Variants in ATG7 observed in about 807,000 individuals in gnomAD.
The protein encoded by ATG7 is ubiquitin-like modifier-activating enzyme ATG7.
ATG7 carries 70 observed loss-of-function variants against 82.4 expected under a neutral mutation model. The ratio of observed to expected loss-of-function variants is 0.85; its 90% CI spans 0.70 to 1.04. The LOEUF is 1.04. Ranked by LOEUF, ATG7 falls within the 50% of genes least tolerant of loss-of-function variation. The pLI, the probability that ATG7 is intolerant of heterozygous loss-of-function variation, is 0.00. For missense variants in ATG7, 792 were observed against 864.3 expected (o/e 0.92, Z 1.05); for synonymous variants, 287 against 313.0 (o/e 0.92, Z 0.88).
chr3:11,559,339 T>C (rs1392652185), downstream of ATG7: 2 of 1,543,472 alleles, frequency 1.3e-6, no homozygotes, highest in South Asian at 1.2e-5. Flanking sequence ...CACCGCTCGG[T>C]GGCCTCCGGT....
At chr3:11,572,808 C>T in the ATG7 span, among the ~76,000 whole-genome samples, 9 of 152,054 alleles carry the variant, frequency 5.9e-5, no homozygotes, top group Non-Finnish European at 1.2e-4. Flanking sequence ...ACGAATACAC[C>T]ACTGCATATG....
intron 19 of ATG7, among the ~76,000 whole-genome samples, chr3:11,389,232 C>CAAAAAAA (rs752930553): frequency 3.5e-5 from 2 of 57,260 alleles, no homozygotes; most frequent in African/African-American, 7.9e-5. Flanking sequence ...GACCCTGTCT[C>CAAAAAAA]AAAAAAAAAA....
At chr3:11,327,310 G>A (rs1462292302) in intron 9 of ATG7, among the ~76,000 whole-genome samples, 1 of 152,098 alleles carries the variant, frequency 6.6e-6, no homozygotes, top group Non-Finnish European at 1.5e-5. Flanking sequence ...CTACAGTCAG[G>A]AATTTCTTAC....
intron 19 of ATG7, among the ~76,000 whole-genome samples, chr3:11,406,118 T>G (rs1295306688): frequency 2.0e-5 from 3 of 151,938 alleles, no homozygotes; most frequent in African/African-American, 7.3e-5. Context: ...GTCTCCCAAG[T>G]GGCTGGGACT....
At chr3:11,383,351 T>C (rs1044083128) in intron 19 of ATG7, among the ~76,000 whole-genome samples, 1 of 152,250 alleles carries the variant, frequency 6.6e-6, no homozygotes, top group Non-Finnish European at 1.5e-5. Context: ...TGTTTCCCTA[T>C]GATTCGATTC....
intron 19 of ATG7, among the ~76,000 whole-genome samples, chr3:11,395,938 T>C (rs575341202): frequency 6.6e-3 from 208 of 31,428 alleles, no homozygotes; most frequent in Admixed American, 0.013. Flanking sequence ...AGACTCTGTC[T>C]CAAAAAAAAA....
intron 20 of ATG7, among the ~76,000 whole-genome samples, chr3:11,451,633 T>A (rs2085141435): frequency 6.6e-6 from 1 of 151,606 alleles, no homozygotes; most frequent in Non-Finnish European, 1.5e-5. Flanking sequence ...GTTGTGTCCA[T>A]GAGAGAACTC....
intron 13 of ATG7, among the ~76,000 whole-genome samples, chr3:11,342,521 T>A (rs1953817258): frequency 5.9e-5 from 9 of 152,194 alleles, no homozygotes; most frequent in Admixed American, 5.9e-4. Context: ...CTTTGTAGAT[T>A]AGTATGCAGC....
chr3:11,513,200 C>T (rs1001256239), intron 20 of ATG7, among the ~76,000 whole-genome samples: 12 of 152,260 alleles, frequency 7.9e-5, no homozygotes, highest in Admixed American at 6.5e-4. Flanking sequence ...GATCCCGCAC[C>T]GGGGCTGCAG....
chr3:11,510,351 T>C (rs770976621), intron 20 of ATG7: 1 of 448,492 alleles, frequency 2.2e-6, no homozygotes, highest in South Asian at 1.6e-5. Context: ...TACCTCTTAT[T>C]TGTCTTTGTA....
At chr3:11,440,066 ATC>A (rs1559627700) in intron 20 of ATG7, among the ~76,000 whole-genome samples, 2 of 152,170 alleles carry the variant, frequency 1.3e-5, no homozygotes, top group African/African-American at 4.8e-5. Flanking sequence ...TATAGAACAT[ATC>A]TCTACTTTCA....
At chr3:11,377,661 G>A (rs2077523728) in intron 18 of ATG7, among the ~76,000 whole-genome samples, 1 of 152,154 alleles carries the variant, frequency 6.6e-6, no homozygotes, top group Non-Finnish European at 1.5e-5. Context: ...ATGGACACAT[G>A]ACTTGTAGGC....
At chr3:11,306,918 C>T in intron 5 of ATG7, 25 bp from the exon 6 acceptor site, 1 of 1,594,368 alleles carries the variant, frequency 6.3e-7, no homozygotes, top group Middle Eastern at 1.7e-4. Context: ...CTGTGCCTGA[C>T]TAACCGTGTT....
At chr3:11,489,081 G>T (rs2090081474) in intron 20 of ATG7, among the ~76,000 whole-genome samples, 1 of 152,138 alleles carries the variant, frequency 6.6e-6, no homozygotes, top group Non-Finnish European at 1.5e-5. Context: ...CAATTTCAGA[G>T]CCTGTTATTG....
At chr3:11,303,782 A>G (rs183437828) in intron 5 of ATG7, among the ~76,000 whole-genome samples, 293 of 150,058 alleles carry the variant, frequency 2.0e-3, no homozygotes, top group African/African-American at 6.9e-3. Flanking sequence ...TTCATAAGAA[A>G]TTTTCTTTTC....
chr3:11,502,479 G>A (rs888485867), intron 20 of ATG7, among the ~76,000 whole-genome samples: 14 of 146,822 alleles, frequency 9.5e-5, no homozygotes, highest in Non-Finnish European at 1.5e-4. Context: ...GCGGTGTTTG[G>A]TTTTTTGTTC....
intron 19 of ATG7, among the ~76,000 whole-genome samples, chr3:11,385,532 T>A (rs959295196): frequency 6.6e-6 from 1 of 152,248 alleles, no homozygotes; most frequent in Non-Finnish European, 1.5e-5. Flanking sequence ...ATAGCCACTG[T>A]CTTCAAGGAA....
At chr3:11,483,682 T>G (rs963641804) in intron 20 of ATG7, among the ~76,000 whole-genome samples, 1 of 152,170 alleles carries the variant, frequency 6.6e-6, no homozygotes, top group African/African-American at 2.4e-5. Flanking sequence ...AGTAAAAATA[T>G]CTACAAGACA....
rs1954416572 is a variant in ATG7, at chr3:11,345,642, C to G, written c.1126-2235C>G. On this transcript the variant is annotated intron_variant, in intron 13 of 20. Coordinates refer to ENST00000693202, the MANE Select transcript of ATG7 (RefSeq NM_001349232.2). ...TGTATATTTGTGTTTTCTCTTTTTT[C>G]CTCATATTAAGCCTTGCTAGAGAGG... 2.0e-5 allele frequency among the ~76,000 whole-genome samples: 3 copies of G among 151,966 alleles called. No homozygotes were observed. The South Asian group carries it at 6.2e-4, about 32-fold the overall frequency.
Sources: allele counts gnomAD v4.1 joint callset (sites outside exome capture counted in the v4.1 genomes callset), GRCh38; gene constraint gnomAD v4.1.1; transcripts MANE v1.5; gene names NCBI Gene and HGNC (gene_info 2026-07-23, HGNC 2026-07-21).